DENND4C: variants seen among roughly 807,000 people sequenced by gnomAD.
The protein encoded by DENND4C is DENN domain-containing protein 4C.
A neutral mutation model predicts 203.0 loss-of-function variants in DENND4C; 108 were observed. That is an observed-to-expected ratio of 0.53 (90% CI 0.46 to 0.62). The LOEUF (loss-of-function observed/expected upper bound fraction) is 0.62, where lower values mean the gene tolerates loss of function less well. Ranked by LOEUF, DENND4C falls within the 20% of genes least tolerant of loss-of-function variation. The pLI, the probability that DENND4C is intolerant of heterozygous loss-of-function variation, is 0.00. For synonymous variants in DENND4C, 871 were observed against 792.4 expected, an observed-to-expected ratio of 1.10 and a Z score of -1.67; for missense variants, 2,481 against 2,301.2, an observed-to-expected ratio of 1.08 and a Z score of -1.60.
intron 26 of DENND4C, among the ~76,000 whole-genome samples, chr9:19,353,041 T>C (rs1347224780): frequency 6.6e-6 from 1 of 151,952 alleles, no homozygotes; most frequent in Non-Finnish European, 1.5e-5. Flanking sequence ...AAGGCTGACA[T>C]AGGAGGATCG....
chr9:19,341,307 C>CTT (rs1369671422), intron 21 of DENND4C, among the ~76,000 whole-genome samples, 193 bp downstream of exon 21: 28 of 132,644 alleles, frequency 2.1e-4, no homozygotes, highest in African/African-American at 7.2e-4. Flanking sequence ...AACTTTCTTT[C>CTT]TTTCTTTTTT....
intron 1 of DENND4C, among the ~76,000 whole-genome samples, chr9:19,249,140 C>T (rs909271559): frequency 6.6e-6 from 1 of 151,820 alleles, no homozygotes; most frequent in Non-Finnish European, 1.5e-5. Flanking sequence ...TATTTTCCAA[C>T]CGTAATATAA....
At position 19,351,043 on chromosome 9, in the gene DENND4C, G is replaced by T. The variant is rs185254215; in HGVS notation, c.4495+164G>T. 4.9e-3 allele frequency among the ~76,000 whole-genome samples: 745 copies of T among 152,124 alleles called. 6 individuals are homozygous for T. Among genetic ancestry groups the T allele is most frequent in the African/African-American group, 0.017 (708 of 41,496 alleles). Reference sequence around the variant, plus strand: ...CTCCCAAAGTGCTGGGATTACAAGCGTGAGCCACAGCGCCTGGCCTGTCTT... The same window carrying T: ...CTCCCAAAGTGCTGGGATTACAAGCTTGAGCCACAGCGCCTGGCCTGTCTT... On this transcript the variant is annotated intron_variant, in intron 24 of 32. Coordinates refer to ENST00000434457, the MANE Select transcript of DENND4C (RefSeq NM_001330640.2).
intron 12 of DENND4C, among the ~76,000 whole-genome samples, chr9:19,324,073 G>A (rs1207334633): frequency 6.6e-6 from 1 of 152,088 alleles, no homozygotes; most frequent in Admixed American, 6.5e-5. Flanking sequence ...TAATGTATAT[G>A]TGAAACATAA....
intron 1 of DENND4C, among the ~76,000 whole-genome samples, chr9:19,274,477 T>C (rs1394409210): frequency 6.6e-6 from 1 of 152,178 alleles, no homozygotes; most frequent in Non-Finnish European, 1.5e-5. Context: ...GTATATTTAG[T>C]AGAGATGGGA....
chr9:19,278,518 A>G (rs1417483183), intron 2 of DENND4C, among the ~76,000 whole-genome samples: 3 of 152,172 alleles, frequency 2.0e-5, no homozygotes, highest in African/African-American at 7.2e-5. Flanking sequence ...TTGTTGCATT[A>G]GAGCTCTGGC....
chr9:19,251,039 T>C (rs1298877622), intron 1 of DENND4C, among the ~76,000 whole-genome samples: 1 of 152,238 alleles, frequency 6.6e-6, no homozygotes, highest in Non-Finnish European at 1.5e-5. Context: ...GTGGGGACCC[T>C]TTGTGGGGGC....
At position 19,373,303 on chromosome 9, in the gene DENND4C, GAATC is replaced by G. The variant is rs939319368; in HGVS notation, c.*1136_*1139del. 11 of 152,382 alleles carry G rather than the reference GAATC, an allele frequency of 7.2e-5. No individual in the cohort carries two copies. Among genetic ancestry groups the G allele is most frequent in the African/African-American group, 2.7e-4 (11 of 41,430 alleles). The allele number at this position is 152,382 out of a possible 1,614,324, so 9.4% of individuals were successfully genotyped here. On this transcript the variant is annotated 3_prime_UTR_variant, in exon 33 of 33. Coordinates refer to ENST00000434457, the MANE Select transcript of DENND4C (RefSeq NM_001330640.2). ...CAATAGTTTTAAAATGGGAACAAAT[GAATC>G]AATCATCAGATAGTTAAAATGAAAT...
Position 19,373,903 on chromosome 9 carries a change from G to C in DENND4C, c.*1730G>C, listed in dbSNP as rs2132402010. On this transcript the variant is annotated 3_prime_UTR_variant, in exon 33 of 33. Coordinates refer to ENST00000434457, the MANE Select transcript of DENND4C (RefSeq NM_001330640.2). Reference sequence around the variant, plus strand: ...TTTCAGGGTTAATCTGACCTATGCAGAATTCTAGTGTGAATTTATTGTGAA... The same window carrying C: ...TTTCAGGGTTAATCTGACCTATGCACAATTCTAGTGTGAATTTATTGTGAA... Among the ~76,000 whole-genome samples the C allele has an allele frequency of 6.6e-6, 1 of 152,150 alleles. No homozygotes were observed. Among genetic ancestry groups the C allele is most frequent in the East Asian group, 1.9e-4 (1 of 5,192 alleles).
At chr9:19,249,002 G>A (rs1003123673) in intron 1 of DENND4C, among the ~76,000 whole-genome samples, 9 of 152,134 alleles carry the variant, frequency 5.9e-5, no homozygotes, top group Non-Finnish European at 1.3e-4. Flanking sequence ...TGTTGGTCAT[G>A]TTGGTCCCGA....
intron 25 of DENND4C, 63 bp downstream of exon 25, chr9:19,352,245 C>A: frequency 6.9e-7 from 1 of 1,447,676 alleles, no homozygotes; most frequent in Non-Finnish European, 9.7e-7. Flanking sequence ...TTCAGAATGG[C>A]ATTTAACAGG....
chr9:19,256,747 A>G (rs935081838), intron 1 of DENND4C, among the ~76,000 whole-genome samples: 8 of 152,064 alleles, frequency 5.3e-5, no homozygotes, highest in East Asian at 3.9e-4. Context: ...AAAATTATCT[A>G]TTGGGCAAAG....
intron 1 of DENND4C, among the ~76,000 whole-genome samples, chr9:19,234,609 G>A (rs1041542143): frequency 4.6e-4 from 66 of 143,282 alleles, no homozygotes; most frequent in African/African-American, 1.7e-3. Context: ...GCTCACTGCA[G>A]CCTCTACCTC....
intron 1 of DENND4C, among the ~76,000 whole-genome samples, chr9:19,234,464 T>G (rs1341025463): frequency 6.6e-6 from 1 of 151,244 alleles, no homozygotes; most frequent in East Asian, 1.9e-4. Context: ...TCTCCTGAAC[T>G]CGTTATCCAC....
At chr9:19,259,192 T>G (rs1828735531) in intron 1 of DENND4C, among the ~76,000 whole-genome samples, 1 of 152,200 alleles carries the variant, frequency 6.6e-6, no homozygotes, top group Non-Finnish European at 1.5e-5. Context: ...TAGATCTTAT[T>G]CATTCTAACC....
intron 30 of DENND4C, among the ~76,000 whole-genome samples, chr9:19,364,663 C>T (rs1365484048): frequency 3.3e-5 from 5 of 151,978 alleles, no homozygotes; most frequent in Non-Finnish European, 5.9e-5. Context: ...GAGGCCAAGG[C>T]GGGTGGATCA....
At chr9:19,352,237 C>T (rs1459744415) in intron 25 of DENND4C, 55 bp downstream of exon 25, 1 of 1,492,816 alleles carries the variant, frequency 6.7e-7, no homozygotes, top group African/African-American at 1.4e-5. Flanking sequence ...ATTTTTATTT[C>T]AGAATGGCAT....
intron 1 of DENND4C, among the ~76,000 whole-genome samples, chr9:19,270,423 G>A (rs1442039975): frequency 2.0e-5 from 3 of 152,276 alleles, no homozygotes; most frequent in East Asian, 3.9e-4. Flanking sequence ...CTGGAGTTGG[G>A]AACTTTAGGA....
chr9:19,358,217 G>C lies in DENND4C; in HGVS notation c.5160+57G>C. 1 of 1,350,514 alleles carries C rather than the reference G, an allele frequency of 7.4e-7. No homozygotes were observed. The highest frequency in any genetic ancestry group is 2.4e-5 in the East Asian group (1 of 42,508). 83.7% of individuals were successfully genotyped at this position (1,350,514 alleles called of 1,614,324 possible). ...TGCATACACACCTAAGTATATAGTA[G>C]AACATTATAAATTCTTCTGTAGTGG... On this transcript the variant is annotated intron_variant, in intron 28 of 32. Coordinates refer to ENST00000434457, the MANE Select transcript of DENND4C (RefSeq NM_001330640.2). This position sits in a 1 kb window ranked among gnomAD's most constrained non-coding sequence, Gnocchi z 4.8.
Sources: allele counts gnomAD v4.1 joint callset (sites outside exome capture counted in the v4.1 genomes callset), GRCh38; gene constraint gnomAD v4.1.1; non-coding constraint Gnocchi (gnomAD v3.1); transcripts MANE v1.5; gene names NCBI Gene and HGNC (gene_info 2026-07-23, HGNC 2026-07-21).